Variants in BMPR1B observed in about 807,000 individuals in gnomAD.
The protein encoded by BMPR1B is bone morphogenetic protein receptor type-1B.
A neutral mutation model predicts 59.1 loss-of-function variants in BMPR1B; 12 were observed. The observed-to-expected ratio is 0.20, with a 90% CI of 0.13 to 0.33. BMPR1B has a LOEUF of 0.33. Among genes scored for constraint, BMPR1B ranks in the 10% least tolerant of loss-of-function variants. The pLI, the probability that BMPR1B is intolerant of heterozygous loss-of-function variation, is 1.00. For missense variants in BMPR1B, 550 were observed against 610.9 expected (o/e 0.90, Z 1.05); for synonymous variants, 237 against 207.3 (o/e 1.14, Z -1.23).
Position 94,962,063 on chromosome 4 carries a change from TTTCTTTTCTTTCC to T in BMPR1B, c.-112-33973_-112-33961del, listed in dbSNP as rs1382405011. Among the ~76,000 whole-genome samples, 250 of 146,646 alleles carry T rather than the reference TTTCTTTTCTTTCC, an allele frequency of 1.7e-3. 1 individual carries two copies. Among genetic ancestry groups the T allele is most frequent in the South Asian group, 5.6e-3 (26 of 4,660 alleles). On this transcript the variant is annotated intron_variant, in intron 2 of 12. Coordinates refer to ENST00000515059, the MANE Select transcript of BMPR1B (RefSeq NM_001203.3). ...TTTTATTCTTTCTTTCTTTCTTTTC[TTTCTTTTCTTTCC>T]TTCCTTCCTTCCTTCCTTCCTTCCT...
At chr4:95,141,953 G>C (rs1301029792) in intron 10 of BMPR1B, among the ~76,000 whole-genome samples, 1 of 152,094 alleles carries the variant, frequency 6.6e-6, no homozygotes, top group Non-Finnish European at 1.5e-5. Context: ...TTTTAGCACT[G>C]CTTTTGGTTT....
At chr4:94,861,345 A>G (rs1262876734) in intron 1 of BMPR1B, among the ~76,000 whole-genome samples, 4 of 152,226 alleles carry the variant, frequency 2.6e-5, no homozygotes, top group African/African-American at 4.8e-5. Context: ...GTGCATATCT[A>G]CATTCATTGT....
intron 1 of BMPR1B, among the ~76,000 whole-genome samples, chr4:94,791,538 C>T (rs968854637): frequency 1.3e-5 from 2 of 152,130 alleles, no homozygotes; most frequent in African/African-American, 4.8e-5. Context: ...TAATCACTTG[C>T]AAAGATACTT....
chr4:95,000,610 T>C (rs145530948), intron 3 of BMPR1B, among the ~76,000 whole-genome samples: 1 of 152,090 alleles, frequency 6.6e-6, no homozygotes, highest in Non-Finnish European at 1.5e-5. Context: ...CAGTGGCGTA[T>C]CAAATAATAT....
At chr4:95,056,111 ATTATC>A (rs751402939) in intron 3 of BMPR1B, among the ~76,000 whole-genome samples, 56 of 152,260 alleles carry the variant, frequency 3.7e-4, no homozygotes, top group South Asian at 6.2e-4. Flanking sequence ...TTATAGAACA[ATTATC>A]TTAATCAGCT....
chr4:95,044,916 A>G (rs1725929383), intron 3 of BMPR1B, among the ~76,000 whole-genome samples: 1 of 152,016 alleles, frequency 6.6e-6, no homozygotes, highest in Admixed American at 6.6e-5. Context: ...GATAGTATGT[A>G]AGTGTTTAGT....
chr4:95,102,237 G>T (rs1335195720), intron 3 of BMPR1B, among the ~76,000 whole-genome samples: 5 of 152,094 alleles, frequency 3.3e-5, no homozygotes, highest in Non-Finnish European at 7.4e-5. Context: ...ATGTTTCTTA[G>T]AAAATAGCAT....
chr4:95,093,698 A>C (rs1477567965), intron 3 of BMPR1B, among the ~76,000 whole-genome samples: 4 of 152,070 alleles, frequency 2.6e-5, no homozygotes, highest in Non-Finnish European at 4.4e-5. Context: ...AAAATGTTGA[A>C]AACATGATTA....
In BMPR1B at chr4:95,124,989, A is replaced by G; in HGVS notation, c.453A>G (p.Lys151=). The part of the protein sequence containing the change: ...LIILFCYFRY[K]RQETRPRYSI... ...TTCATCTATCCATCTTTAGGTATAA[A>G]AGACAAGAAACCAGACCTCGATACA... Residue 151 remains lysine, a synonymous_variant, in exon 8 of 13, where the codon AAA becomes AAG. Transcript: ENST00000515059. 1 of 1,612,532 alleles carries G rather than the reference A, an allele frequency of 6.2e-7. No homozygotes were observed. Among genetic ancestry groups the G allele is most frequent in the Middle Eastern group, 1.7e-4 (1 of 6,058 alleles).
intron 11 of BMPR1B, among the ~76,000 whole-genome samples, chr4:95,151,196 A>C (rs1338681979): frequency 2.0e-5 from 3 of 152,172 alleles, no homozygotes; most frequent in African/African-American, 7.2e-5. Flanking sequence ...AATTTTGAAA[A>C]CTTGATTACA....
chr4:94,833,033 A>G (rs150298941), intron 1 of BMPR1B, among the ~76,000 whole-genome samples: 1 of 152,052 alleles, frequency 6.6e-6, no homozygotes, highest in Admixed American at 6.5e-5. Flanking sequence ...CAAAATATTA[A>G]AACAAAAATT....
At chr4:95,154,440 AC>A (rs1243592989) in intron 12 of BMPR1B, 107 bp from the exon 13 acceptor site, 11 of 1,486,728 alleles carry the variant, frequency 7.4e-6, no homozygotes, top group African/African-American at 4.2e-5. Context: ...TTTTAAGGGT[AC>A]CTTTTAAAAA....
At chr4:94,797,016 A>G (rs1170618034) in intron 1 of BMPR1B, among the ~76,000 whole-genome samples, 2 of 152,210 alleles carry the variant, frequency 1.3e-5, no homozygotes, top group Non-Finnish European at 2.9e-5. Context: ...AAAGACATAC[A>G]TAAGACTGGG....
At chr4:94,873,273 G>T (rs1304557525) in intron 1 of BMPR1B, among the ~76,000 whole-genome samples, 1 of 152,054 alleles carries the variant, frequency 6.6e-6, no homozygotes, top group Non-Finnish European at 1.5e-5. Flanking sequence ...CTTCTATTAG[G>T]TGGTTGTTTA....
At chr4:95,095,584 A>G (rs1352292240) in intron 3 of BMPR1B, among the ~76,000 whole-genome samples, 1 of 152,100 alleles carries the variant, frequency 6.6e-6, no homozygotes, top group Non-Finnish European at 1.5e-5. Context: ...AGTGATGAGA[A>G]TCAACATTTG....
chr4:94,954,059 T>C (rs1018862615), intron 2 of BMPR1B, among the ~76,000 whole-genome samples: 16 of 152,194 alleles, frequency 1.1e-4, no homozygotes, highest in African/African-American at 3.9e-4. Context: ...GATTTGGCTA[T>C]TGATACTTGT....
At chr4:95,125,867 G>C (rs982909639) in intron 8 of BMPR1B, among the ~76,000 whole-genome samples, 1 of 152,028 alleles carries the variant, frequency 6.6e-6, no homozygotes, top group Non-Finnish European at 1.5e-5. Context: ...TTCTTTCCCA[G>C]CTTGGTATGT....
intron 1 of BMPR1B, among the ~76,000 whole-genome samples, chr4:94,772,845 AG>A (rs1017798245): frequency 6.6e-6 from 1 of 152,102 alleles, no homozygotes; most frequent in Non-Finnish European, 1.5e-5. Flanking sequence ...ATGCATGTCA[AG>A]GGTATTTCCT....
At chr4:95,042,660 A>T (rs1344463645) in intron 3 of BMPR1B, among the ~76,000 whole-genome samples, 1 of 152,180 alleles carries the variant, frequency 6.6e-6, no homozygotes, top group Admixed American at 6.5e-5. Context: ...CACAAACAGT[A>T]AAAGATGGCC....
Sources: allele counts gnomAD v4.1 joint callset (sites outside exome capture counted in the v4.1 genomes callset), GRCh38; gene constraint gnomAD v4.1.1; transcripts MANE v1.5; gene names NCBI Gene and HGNC (gene_info 2026-07-23, HGNC 2026-07-21).